The following ZBTB45 variants were observed in gnomAD, a reference collection of about 807,000 sequenced individuals.
The protein encoded by ZBTB45 is zinc finger and BTB domain containing 45.
ZBTB45 carries 22 observed loss-of-function variants against 28.4 expected under a neutral mutation model. The observed-to-expected ratio is 0.77, with a 90% CI of 0.55 to 1.10. The LOEUF (loss-of-function observed/expected upper bound fraction) is 1.10. Ranked by LOEUF, ZBTB45 falls within the 50% of genes least tolerant of loss-of-function variation. The probability of loss-of-function intolerance (pLI) is 0.00; values close to 1 mark genes in which losing one functional copy is unlikely to be tolerated. For synonymous variants in ZBTB45, 361 were observed against 332.3 expected, an observed-to-expected ratio of 1.09 and a Z score of -0.94; for missense variants, 656 against 750.2, an observed-to-expected ratio of 0.87 and a Z score of 1.47.
At chr19:58,534,249 G>A (rs147949084) in intron 1 of ZBTB45, among the ~76,000 whole-genome samples, 2 of 152,316 alleles carry the variant, frequency 1.3e-5, no homozygotes, top group East Asian at 3.9e-4. Flanking sequence ...AATGGTTACA[G>A]GGATTCCTTT....
intron 1 of ZBTB45, among the ~76,000 whole-genome samples, chr19:58,535,799 A>G (rs1217548270): frequency 6.6e-6 from 1 of 152,230 alleles, no homozygotes; most frequent in Non-Finnish European, 1.5e-5. Context: ...GTCCTTTCAC[A>G]TATTTGCTGA....
chr19:58,517,708 A>G, intron 1 of ZBTB45, 35 bp from the exon 2 acceptor site: 2 of 1,584,728 alleles, frequency 1.3e-6, no homozygotes, highest in Non-Finnish European at 1.7e-6. Context: ...GGAGAGGTCA[A>G]CTGAGGACCC....
intron 1 of ZBTB45, 46 bp from the exon 2 acceptor site, chr19:58,517,719 C>T (rs367665312): frequency 1.9e-6 from 3 of 1,556,718 alleles, no homozygotes; most frequent in South Asian, 2.4e-5. Context: ...CTGAGGACCC[C>T]CATCTGTCCC....
At chr19:58,534,329 C>T (rs1157633446) in intron 1 of ZBTB45, among the ~76,000 whole-genome samples, 2 of 151,988 alleles carry the variant, frequency 1.3e-5, no homozygotes, top group Non-Finnish European at 2.9e-5. Context: ...GCATGAAATG[C>T]CACTGAATGT....
chr19:58,530,841 G>T (rs756928907), intron 1 of ZBTB45, among the ~76,000 whole-genome samples: 5 of 151,952 alleles, frequency 3.3e-5, no homozygotes, highest in Admixed American at 1.3e-4. Flanking sequence ...CCGCCACCAC[G>T]CCTGGCTAAT....
intron 1 of ZBTB45, among the ~76,000 whole-genome samples, chr19:58,530,464 G>A (rs1241112654): frequency 6.6e-6 from 1 of 151,750 alleles, no homozygotes; most frequent in East Asian, 2.0e-4. Context: ...GTGCCAACAC[G>A]CCTGGCTAAC....
Position 58,513,875 on chromosome 19 carries a change from G to A in ZBTB45, c.*179C>T. 2.7e-6 allele frequency: 2 copies of A among 739,018 alleles called. No homozygotes were observed. Among genetic ancestry groups the A allele is most frequent in the East Asian group, 6.8e-5 (2 of 29,618 alleles). The allele number at this position is 739,018 out of a possible 1,614,324, so 45.8% of individuals were successfully genotyped here. A position where few individuals can be genotyped will look rare whatever the true frequency, so the allele number is the denominator to read the frequency against. Reference sequence around the variant, plus strand: ...CACCACCTGGAGGGTTCAAGTACATGGAGGAGAGGAGTAAGGCGGACTTAG... The same window carrying A: ...CACCACCTGGAGGGTTCAAGTACATAGAGGAGAGGAGTAAGGCGGACTTAG... On this transcript the variant is annotated 3_prime_UTR_variant, in exon 3 of 3. Coordinates refer to ENST00000594051, the MANE Select transcript of ZBTB45 (RefSeq NM_001316979.2).
upstream of ZBTB45, among the ~76,000 whole-genome samples, chr19:58,522,712 C>T (rs1417745113): frequency 6.6e-6 from 1 of 152,178 alleles, no homozygotes; most frequent in East Asian, 1.9e-4. Flanking sequence ...AAACCATGGC[C>T]TGCTGGACCC....
intron 1 of ZBTB45, among the ~76,000 whole-genome samples, chr19:58,536,717 G>T (rs2053662295): frequency 1.3e-5 from 2 of 152,280 alleles, no homozygotes; most frequent in African/African-American, 4.8e-5. Flanking sequence ...TGGCTTTGGG[G>T]GTGACACCTG....
At chr19:58,537,703 C>G (rs560041776) in intron 1 of ZBTB45, among the ~76,000 whole-genome samples, 8 of 152,276 alleles carry the variant, frequency 5.3e-5, no homozygotes, top group Admixed American at 2.6e-4. Flanking sequence ...AATATTTTGA[C>G]CTTCTGGCCC....
At chr19:58,529,667 G>A (rs2053626156) in intron 1 of ZBTB45, among the ~76,000 whole-genome samples, 1 of 152,008 alleles carries the variant, frequency 6.6e-6, no homozygotes, top group African/African-American at 2.4e-5. Flanking sequence ...GTGCAGTTTT[G>A]TCACATAGGT....
chr19:58,518,624 A>G (rs976989014), intron 1 of ZBTB45, among the ~76,000 whole-genome samples: 1 of 152,058 alleles, frequency 6.6e-6, no homozygotes, highest in Non-Finnish European at 1.5e-5. Flanking sequence ...GGGAGGGGGT[A>G]GTCCTCAGAG....
upstream of ZBTB45, among the ~76,000 whole-genome samples, chr19:58,521,960 T>C (rs1209822267): frequency 6.6e-6 from 1 of 151,962 alleles, no homozygotes; most frequent in African/African-American, 2.4e-5. Flanking sequence ...TACTGGGTGA[T>C]TGTGTTGTAG....
At chr19:58,524,403 ATATGTGTGTG>A (rs1355613851), upstream of ZBTB45, among the ~76,000 whole-genome samples, 4 of 138,476 alleles carry the variant, frequency 2.9e-5, no homozygotes, top group South Asian at 2.3e-4. Flanking sequence ...ATGTGTATAT[ATATGTGTGTG>A]TGTGTGTGTG....
chr19:58,534,762 T>C (rs974895449), intron 1 of ZBTB45, among the ~76,000 whole-genome samples: 1 of 152,106 alleles, frequency 6.6e-6, no homozygotes, highest in African/African-American at 2.4e-5. Context: ...TTCACCATGT[T>C]AGCCAGGATG....
At position 58,517,136 on chromosome 19, in the gene ZBTB45, G is replaced by A; in HGVS notation, c.538C>T (p.Gln180Ter). The change falls in exon 2 of 3, where the codon CAG becomes TAG. Residue 180 changes from glutamine (Q) to a stop codon, truncating the protein, a stop_gained. Coordinates refer to ENST00000594051, the MANE Select transcript of ZBTB45 (RefSeq NM_001316979.2). LOFTEE classifies it high-confidence loss of function. ...GCAGGTGTTGGGGGCGCTGGCAGCT[G>A]CAAACGCGCGGGCTGGCGCTGCTTA... is the stretch of plus-strand genomic sequence containing the variant. The part of the protein sequence containing the change: ...SRKQRQPARL[Q>*]LPAPPTPAKA... The A allele has an allele frequency of 1.2e-6, 2 of 1,612,450 alleles. No homozygotes were observed. Among genetic ancestry groups the A allele is most frequent in the Non-Finnish European group, 8.5e-7 (1 of 1,179,706 alleles).
chr19:58,517,444 G>T lies in ZBTB45; in HGVS notation c.230C>A (p.Ala77Glu). The stretch of plus-strand genomic sequence containing the variant: ...CTCTACCAGCTGTCGCACTGTCTGC[G>T]CGGGCACCACCGGAGGCACACGGAT... Reference protein sequence around the residue: ...SEIRVPPVVPAQTVRQLVEFL... With the variant: ...SEIRVPPVVPEQTVRQLVEFL... Residue 77 changes from alanine (A) to glutamate (E), a missense_variant, in exon 2 of 3, where the codon GCG becomes GAG. Physicochemically the swap from Ala to Glu is moderately radical, Grantham distance 107. This residue lies in a region of ZBTB45 where 105 missense variants were observed against 152.4 expected (regional missense o/e 0.69). Coordinates refer to ENST00000594051, the MANE Select transcript of ZBTB45 (RefSeq NM_001316979.2). 6.2e-7 allele frequency: 1 copy of T among 1,613,016 alleles called. No homozygotes were observed. The highest frequency in any genetic ancestry group is 8.5e-7 in the Non-Finnish European group (1 of 1,179,882).
intron 1 of ZBTB45, among the ~76,000 whole-genome samples, chr19:58,537,146 T>A (rs2053664383): frequency 6.6e-6 from 1 of 152,104 alleles, no homozygotes; most frequent in Admixed American, 6.5e-5. Context: ...CACTCTGCTG[T>A]CCCTGAGTCA....
intron 1 of ZBTB45, among the ~76,000 whole-genome samples, chr19:58,525,683 G>A (rs545542366): frequency 1.1e-4 from 16 of 152,316 alleles, no homozygotes; most frequent in South Asian, 4.1e-4. Flanking sequence ...ATCCATACAG[G>A]TATTGAGGGC....
Sources: gnomAD v4.1 joint callset for allele counts (sites outside exome capture counted in the v4.1 genomes callset) on GRCh38, gnomAD v4.1.1 for gene constraint, gnomAD v4.1.1 regional missense constraint, MANE v1.5 for transcripts, NCBI Gene and HGNC (gene_info 2026-07-23, HGNC 2026-07-21) for gene names.